Variants in PCBP3 observed in about 807,000 individuals in gnomAD.
PCBP3 encodes poly(rC) binding protein 3, also known as poly(rC)-binding protein 3.
A neutral mutation model predicts 52.7 loss-of-function variants in PCBP3; 25 were observed. The observed-to-expected ratio is 0.47, with a 90% CI of 0.35 to 0.66. The LOEUF is 0.66. Among genes scored for constraint, PCBP3 ranks in the 30% least tolerant of loss-of-function variants. The pLI is 0.01. For synonymous variants in PCBP3, 162 were observed against 183.0 expected (o/e 0.89, Z 0.93); for missense variants, 391 against 490.3 (o/e 0.80, Z 1.91).
chr21:45,909,538 G>C (rs781480925), intron 10 of PCBP3, 52 bp downstream of exon 10: 19 of 1,586,116 alleles, frequency 1.2e-5, no homozygotes, highest in Admixed American at 5.1e-5. Flanking sequence ...GGCGGGCTGC[G>C]GGTGGTGGCC....
rs2084853991 is a variant in PCBP3, at chr21:45,724,086, C to T, written c.-199-11306C>T. ...GGTAAGTTAATGAGACACTCTCTCC[C>T]CCAGATCTGGAGAAATTCAGAGTCA... On this transcript the variant is annotated intron_variant, in intron 2 of 17. Transcript: ENST00000681687. This position sits in a 1 kb window ranked among gnomAD's most constrained non-coding sequence, Gnocchi z 5.3. Among the ~76,000 whole-genome samples the T allele has an allele frequency of 6.6e-6, 1 of 152,178 alleles. No homozygotes were observed. The highest frequency in any genetic ancestry group is 2.1e-4 in the South Asian group (1 of 4,826).
chr21:45,842,599 G>A (rs1034272466), intron 4 of PCBP3, among the ~76,000 whole-genome samples: 5 of 152,242 alleles, frequency 3.3e-5, no homozygotes, highest in Admixed American at 2.0e-4. Flanking sequence ...TGTTTGGCAC[G>A]ACACATAATT....
intron 2 of PCBP3, among the ~76,000 whole-genome samples, chr21:45,719,680 C>T (rs565317356): frequency 2.0e-5 from 3 of 152,196 alleles, no homozygotes; most frequent in Admixed American, 6.5e-5. Flanking sequence ...TGCCTTCTGC[C>T]GTGATTGTAA....
At chr21:45,831,530 C>A (rs549242349) in intron 4 of PCBP3, among the ~76,000 whole-genome samples, 2 of 152,062 alleles carry the variant, frequency 1.3e-5, no homozygotes, top group Non-Finnish European at 2.9e-5. Context: ...TGGTTCTCAG[C>A]AGGATTTTCT....
chr21:45,671,310 G>A (rs1367492906), intron 2 of PCBP3, among the ~76,000 whole-genome samples: 1 of 152,182 alleles, frequency 6.6e-6, no homozygotes, highest in Non-Finnish European at 1.5e-5. Context: ...ACTGTGTCTT[G>A]CACAAAGGAT....
chr21:45,749,144 A>G (rs1284464322), intron 3 of PCBP3, among the ~76,000 whole-genome samples: 1 of 151,968 alleles, frequency 6.6e-6, no homozygotes, highest in Non-Finnish European at 1.5e-5. Flanking sequence ...TTTTATCAGT[A>G]AAGAAACAGA....
intron 4 of PCBP3, among the ~76,000 whole-genome samples, chr21:45,849,675 G>A (rs1453042437): frequency 2.0e-5 from 3 of 151,772 alleles, no homozygotes; most frequent in East Asian, 1.9e-4. Flanking sequence ...AAGGAAATAC[G>A]TAAGTAAGTG....
At position 45,892,529 on chromosome 21, in the gene PCBP3, G is replaced by A. The variant is rs138855433; in HGVS notation, c.11-3679G>A. ...TGGAGGGCGCAGTCCCGTCTCTCGC[G>A]GGGCTTCATGTACCAGACCGTGTTC... On this transcript the variant is annotated intron_variant, in intron 5 of 17. Coordinates refer to ENST00000681687, the MANE Select transcript of PCBP3 (RefSeq NM_001384156.1). Among the ~76,000 whole-genome samples the A allele has an allele frequency of 4.0e-4, 43 of 106,282 alleles. 1 individual carries two copies. In the East Asian group the frequency reaches 1.0e-2, roughly 25 times the overall value. The allele number at this position is 106,282 out of a possible 152,430, so 69.7% of individuals were successfully genotyped here. A position where few individuals can be genotyped will look rare whatever the true frequency, so the allele number is the denominator to read the frequency against.
intron 2 of PCBP3, among the ~76,000 whole-genome samples, chr21:45,679,201 A>G (rs2081667200): frequency 2.0e-5 from 3 of 151,238 alleles, no homozygotes; most frequent in South Asian, 2.1e-4. Context: ...GCTCACTGCA[A>G]CCTCTGCCTC....
At chr21:45,690,683 T>C (rs1245070999) in intron 2 of PCBP3, among the ~76,000 whole-genome samples, 1 of 152,190 alleles carries the variant, frequency 6.6e-6, no homozygotes, top group Non-Finnish European at 1.5e-5. Flanking sequence ...ACAGAAGACA[T>C]ACAAATGGCT....
chr21:45,923,490 C>T (rs1244197701), intron 13 of PCBP3, among the ~76,000 whole-genome samples: 1 of 152,188 alleles, frequency 6.6e-6, no homozygotes, highest in African/African-American at 2.4e-5. Context: ...TCTGCAGGGC[C>T]CCAGTGGCAC....
At chr21:45,647,918 G>C (rs1300537892) in intron 1 of PCBP3, among the ~76,000 whole-genome samples, 1 of 152,156 alleles carries the variant, frequency 6.6e-6, no homozygotes, top group Non-Finnish European at 1.5e-5. Flanking sequence ...TATCTGGGTG[G>C]GCTCTGAGTA....
intron 4 of PCBP3, among the ~76,000 whole-genome samples, chr21:45,819,279 G>A (rs1237952112): frequency 6.6e-6 from 1 of 152,214 alleles, no homozygotes; most frequent in Non-Finnish European, 1.5e-5. Context: ...TTTGTGCTCA[G>A]TTTGCTGCTC....
At chr21:45,896,410 C>G in intron 6 of PCBP3, 48 bp downstream of exon 6, 1 of 1,489,816 alleles carries the variant, frequency 6.7e-7, no homozygotes, top group Non-Finnish European at 9.0e-7. Context: ...CCGCGGCAGA[C>G]AGAACCAGAG....
At chr21:45,742,653 T>G (rs1176296825) in intron 3 of PCBP3, among the ~76,000 whole-genome samples, 1 of 152,220 alleles carries the variant, frequency 6.6e-6, no homozygotes, top group East Asian at 1.9e-4. Flanking sequence ...AGATCTAAGT[T>G]ATTTTTTCTT....
At chr21:45,794,878 G>A (rs368705899) in intron 4 of PCBP3, among the ~76,000 whole-genome samples, 4 of 150,786 alleles carry the variant, frequency 2.7e-5, no homozygotes, top group South Asian at 2.1e-4. Flanking sequence ...GCAGTGAGCC[G>A]AGATTGCGCC....
At chr21:45,669,801 G>GTATATATA (rs1385598083) in intron 2 of PCBP3, among the ~76,000 whole-genome samples, 9 of 69,038 alleles carry the variant, frequency 1.3e-4, no homozygotes, top group East Asian at 3.8e-4. Flanking sequence ...GTGTGTGTGT[G>GTATATATA]TGTGTATATA....
In PCBP3 at chr21:45,805,523, G is replaced by A. The variant is rs376134998; in HGVS notation, c.-125-44438G>A. ...TGGGGCCACCTGGGTTGGTGCCAAC[G>A]AGGTGCTCAGAGGCCTTGTGGGCAG... On this transcript the variant is annotated intron_variant, in intron 4 of 17. Coordinates refer to ENST00000681687, the MANE Select transcript of PCBP3 (RefSeq NM_001384156.1). The surrounding 1 kb of genome is among the most constrained non-coding windows in gnomAD (Gnocchi z 4.6). 2.0e-5 allele frequency among the ~76,000 whole-genome samples: 3 copies of A among 152,284 alleles called. No individual in the cohort carries two copies. The highest frequency in any genetic ancestry group is 4.8e-5 in the African/African-American group (2 of 41,578).
intron 5 of PCBP3, among the ~76,000 whole-genome samples, chr21:45,851,201 ATAGT>A (rs1312372529): frequency 6.6e-6 from 1 of 152,248 alleles, no homozygotes; most frequent in Admixed American, 6.5e-5. Flanking sequence ...TTTAGAGTCA[ATAGT>A]TAGATCTTTG....
Sources: gnomAD v4.1 joint callset for allele counts (sites outside exome capture counted in the v4.1 genomes callset) on GRCh38, gnomAD v4.1.1 for gene constraint, Gnocchi (gnomAD v3.1) non-coding constraint, MANE v1.5 for transcripts, NCBI Gene and HGNC (gene_info 2026-07-23, HGNC 2026-07-21) for gene names.